Variants in ERICH1 observed in about 807,000 individuals in gnomAD.
The protein encoded by ERICH1 is glutamate-rich protein 1.
ERICH1 carries 56 observed loss-of-function variants against 39.6 expected under a neutral mutation model. The ratio of observed to expected loss-of-function variants is 1.41; its 90% CI spans 1.14 to 1.77. The LOEUF is 1.77. ERICH1 is among the 40% of genes most tolerant of loss of function. ERICH1 has a pLI of 0.00. For missense variants in ERICH1, 826 were observed against 575.4 expected, an observed-to-expected ratio of 1.44 and a Z score of -4.45; for synonymous variants, 313 against 223.6, an observed-to-expected ratio of 1.40 and a Z score of -3.57.
At position 692,811 on chromosome 8, in the gene ERICH1, C is replaced by A. The variant is rs185478225; in HGVS notation, c.170-199G>T. On this transcript the variant is annotated intron_variant, in intron 2 of 5. Coordinates refer to ENST00000262109, the MANE Select transcript of ERICH1 (RefSeq NM_207332.3). ...GCCAGAAAAGCAGGTCAGCTACACA[C>A]CCAGCCAAGAAAAAGGAACTGCCCA... Among the ~76,000 whole-genome samples the A allele has an allele frequency of 7.2e-5, 11 of 152,284 alleles. No individual in the cohort carries two copies. In the East Asian group the frequency reaches 2.1e-3, roughly 29 times the overall value.
chr8:679,707 T>G (rs930421685), intron 3 of ERICH1, among the ~76,000 whole-genome samples: 1 of 152,256 alleles, frequency 6.6e-6, no homozygotes, highest in Non-Finnish European at 1.5e-5. Context: ...ATAAGTCATG[T>G]TGAAATGCTG....
chr8:718,913 A>G (rs1585654714), intron 1 of ERICH1, among the ~76,000 whole-genome samples: 1 of 151,540 alleles, frequency 6.6e-6, no homozygotes, highest in Non-Finnish European at 1.5e-5. Context: ...TTGTCATTGC[A>G]CTCCAATCTG....
chr8:730,679 C>T (rs1819780027), intron 1 of ERICH1, among the ~76,000 whole-genome samples: 1 of 152,238 alleles, frequency 6.6e-6, no homozygotes, highest in South Asian at 2.1e-4. Context: ...TGAAGGTAAA[C>T]ACCATGACCT....
intron 2 of ERICH1, among the ~76,000 whole-genome samples, chr8:713,707 T>C (rs1431558718): frequency 6.6e-6 from 1 of 152,120 alleles, no homozygotes; most frequent in African/African-American, 2.4e-5. Context: ...GAAGGTGATT[T>C]GTGGGATGAC....
intron 1 of ERICH1, among the ~76,000 whole-genome samples, chr8:719,003 C>T (rs1369576192): frequency 6.6e-6 from 1 of 152,202 alleles, no homozygotes; most frequent in African/African-American, 2.4e-5. Flanking sequence ...TTTGTCAGTG[C>T]ACATGCCAAT....
chr8:615,088 C>G, exon 4 of ERICH1: 1 of 594,172 alleles, frequency 1.7e-6, no homozygotes, highest in Non-Finnish European at 3.0e-6. Flanking sequence ...GATCTCAGCT[C>G]TCGTCAGCCT....
At chr8:715,621 G>A (rs1815758760) in intron 2 of ERICH1, among the ~76,000 whole-genome samples, 1 of 152,238 alleles carries the variant, frequency 6.6e-6, no homozygotes, top group South Asian at 2.1e-4. Context: ...CATCTTCAGA[G>A]CACACAAGTA....
At chr8:616,823 G>GGAGA (rs74212232) in intron 3 of ERICH1, among the ~76,000 whole-genome samples, 33,391 of 75,424 alleles carry the variant, frequency 0.44, 8,607 homozygotes, top group East Asian at 0.61. Context: ...AGAGACGGGG[G>GGAGA]GAGAGAGAGA....
intron 3 of ERICH1, among the ~76,000 whole-genome samples, chr8:658,829 C>T (rs1214341407): frequency 1.3e-5 from 2 of 152,204 alleles, no homozygotes; most frequent in African/African-American, 4.8e-5. Flanking sequence ...GTGGGCTTTG[C>T]TTATCCTGCT....
At chr8:650,598 G>T (rs897076204) in intron 3 of ERICH1, among the ~76,000 whole-genome samples, 1 of 152,220 alleles carries the variant, frequency 6.6e-6, no homozygotes, top group Non-Finnish European at 1.5e-5. Flanking sequence ...TGACCAGGGA[G>T]GAACCGGTGT....
chr8:658,659 G>T (rs1385752699), intron 3 of ERICH1, among the ~76,000 whole-genome samples: 3 of 152,138 alleles, frequency 2.0e-5, no homozygotes, highest in Non-Finnish European at 4.4e-5. Flanking sequence ...AGATCATCAG[G>T]GCGGTCCTGA....
At chr8:697,264 G>A (rs955103927) in intron 2 of ERICH1, among the ~76,000 whole-genome samples, 3 of 152,152 alleles carry the variant, frequency 2.0e-5, no homozygotes, top group Admixed American at 1.3e-4. Flanking sequence ...GGGACAAGGC[G>A]GACACCACTC....
chr8:728,924 GA>G (rs112661537), intron 1 of ERICH1, among the ~76,000 whole-genome samples: 17 of 149,992 alleles, frequency 1.1e-4, no homozygotes, highest in Non-Finnish European at 1.5e-4. Context: ...CTACTTCCAG[GA>G]AAAAAAAAAT....
Position 689,421 on chromosome 8 carries a change from TCTTGA to T in ERICH1, c.304+3052_304+3056del, listed in dbSNP as rs1585330314. ...CCACTGCGCCTGGCCTCACCTATGA[TCTTGA>T]CTTGATGTAAGGTAAGCATTTCCAA... On this transcript the variant is annotated intron_variant, in intron 3 of 5. Transcript: ENST00000262109. Among the ~76,000 whole-genome samples, 6 of 152,350 alleles carry T rather than the reference TCTTGA, an allele frequency of 3.9e-5. No homozygotes were observed. In the East Asian group the frequency reaches 1.2e-3, roughly 29 times the overall value.
chr8:617,645 C>T (rs1797007947), intron 3 of ERICH1, among the ~76,000 whole-genome samples: 1 of 148,530 alleles, frequency 6.7e-6, no homozygotes, highest in Non-Finnish European at 1.5e-5. Flanking sequence ...GGTCCATCCT[C>T]ACTGCTGAGT....
chr8:731,132 C>T lies in ERICH1; in HGVS notation c.22+8G>A. 1 of 1,520,862 alleles carries T rather than the reference C, an allele frequency of 6.6e-7. No individual in the cohort carries two copies. The highest frequency in any genetic ancestry group is 8.8e-7 in the Non-Finnish European group (1 of 1,136,480). The allele number at this position is 1,520,862 out of a possible 1,614,324, so 94.2% of individuals were successfully genotyped here. A position where few individuals can be genotyped will look rare whatever the true frequency, so the allele number is the denominator to read the frequency against. On this transcript the variant is annotated splice_region_variant and intron_variant, in intron 1 of 5. Coordinates refer to ENST00000262109, the MANE Select transcript of ERICH1 (RefSeq NM_207332.3). ...GTCTGGGCAGGCCTCCGCACCGCAC[C>T]CACCTACCGTGCTTCCTGTGCGCCG... is the stretch of plus-strand genomic sequence containing the variant.
At chr8:717,609 A>G (rs1816308612) in intron 1 of ERICH1, among the ~76,000 whole-genome samples, 1 of 152,254 alleles carries the variant, frequency 6.6e-6, no homozygotes, top group Non-Finnish European at 1.5e-5. Flanking sequence ...GATGCACTTT[A>G]TCCAACATCT....
At chr8:652,943 G>A (rs182634447) in intron 3 of ERICH1, among the ~76,000 whole-genome samples, 83 of 152,318 alleles carry the variant, frequency 5.4e-4, no homozygotes, top group Admixed American at 2.8e-3. Flanking sequence ...TTTTACAAAC[G>A]AGAAATAAGT....
At chr8:615,877 T>C (rs759498592) in intron 3 of ERICH1, 7 of 152,454 alleles carry the variant, frequency 4.6e-5, no homozygotes, top group Non-Finnish European at 7.3e-5. Flanking sequence ...ATATTCAGCT[T>C]TCCTCTTTAA....
Sources: allele counts gnomAD v4.1 joint callset (sites outside exome capture counted in the v4.1 genomes callset), GRCh38; gene constraint gnomAD v4.1.1; transcripts MANE v1.5; gene names NCBI Gene and HGNC (gene_info 2026-07-23, HGNC 2026-07-21).